PRKG2: variants seen among roughly 807,000 people sequenced by gnomAD.
PRKG2 encodes the protein cGMP-dependent protein kinase 2.
In PRKG2, 33 loss-of-function variants were observed where a neutral mutation model predicts 97.2. The observed-to-expected ratio is 0.34, with a 90% confidence interval of 0.26 to 0.45. The LOEUF (loss-of-function observed/expected upper bound fraction) is 0.45. Among genes scored for constraint, PRKG2 ranks in the 20% least tolerant of loss-of-function variants. PRKG2 has a pLI of 1.00. For synonymous variants in PRKG2, 330 were observed against 321.8 expected (o/e 1.03, Z -0.27); for missense variants, 638 against 900.0 (o/e 0.71, Z 3.73).
intron 14 of PRKG2, among the ~76,000 whole-genome samples, chr4:81,119,888 A>G (rs1156506666): frequency 6.6e-6 from 1 of 152,042 alleles, no homozygotes; most frequent in African/African-American, 2.4e-5. Flanking sequence ...GTTAGCCAGG[A>G]TGGTCTTGAT....
At chr4:81,149,770 T>C (rs1417682629) in intron 8 of PRKG2, among the ~76,000 whole-genome samples, 2 of 152,152 alleles carry the variant, frequency 1.3e-5, no homozygotes, top group Admixed American at 6.6e-5. Context: ...TCATTTAAGA[T>C]GACTTGGGAG....
Position 81,204,756 on chromosome 4 carries a change from G to A in PRKG2, c.292C>T (p.Pro98Ser), listed in dbSNP as rs1434403074. 6.2e-7 allele frequency: 1 copy of A among 1,614,188 alleles called. No individual in the cohort carries two copies. ...TGGACCTCAAGAGGCACTTTATCTG[G>A]AGAGGCCTGAAGCGGGCTTCCTCCC... Reference protein sequence around the residue: ...MQGGSPLQASPDKVPLEVHRK... With the variant: ...MQGGSPLQASSDKVPLEVHRK... Residue 98 changes from proline to serine, a missense_variant, in exon 2 of 19, where the codon CCA becomes TCA. Pro to Ser is a moderately conservative substitution (Grantham distance 74). Coordinates refer to ENST00000264399, the MANE Select transcript of PRKG2 (RefSeq NM_006259.3).
chr4:81,207,489 C>A (rs776028736), intron 1 of PRKG2, among the ~76,000 whole-genome samples: 3 of 152,158 alleles, frequency 2.0e-5, no homozygotes, highest in Non-Finnish European at 4.4e-5. Context: ...CATATCCCAT[C>A]ATGGATTTGC....
At chr4:81,129,927 C>T (rs912875425) in intron 14 of PRKG2, among the ~76,000 whole-genome samples, 2 of 152,060 alleles carry the variant, frequency 1.3e-5, no homozygotes, top group Non-Finnish European at 1.5e-5. Context: ...TTCATAGTGT[C>T]GATGTTCTTT....
intron 12 of PRKG2, among the ~76,000 whole-genome samples, chr4:81,139,493 C>T (rs1378518412): frequency 6.6e-6 from 1 of 151,946 alleles, no homozygotes; most frequent in African/African-American, 2.4e-5. Context: ...ACAGGCTGGG[C>T]GCAGTGGCTC....
chr4:81,119,629 T>C (rs531857804), intron 14 of PRKG2, among the ~76,000 whole-genome samples: 1 of 152,198 alleles, frequency 6.6e-6, no homozygotes, highest in Non-Finnish European at 1.5e-5. Context: ...AATGAGTTTC[T>C]CACTGTACAC....
intron 14 of PRKG2, among the ~76,000 whole-genome samples, chr4:81,118,460 T>C (rs1744766243): frequency 6.6e-6 from 1 of 152,326 alleles, no homozygotes; most frequent in East Asian, 1.9e-4. Flanking sequence ...TATCAGCGTT[T>C]GGTGTTGCCA....
chr4:81,155,909 T>C (rs898866353), intron 6 of PRKG2, among the ~76,000 whole-genome samples: 5 of 151,698 alleles, frequency 3.3e-5, no homozygotes, highest in African/African-American at 1.2e-4. Context: ...AGGCCTGCCC[T>C]AAAAGAGCTC....
At chr4:81,138,812 C>T (rs1746971249) in intron 12 of PRKG2, among the ~76,000 whole-genome samples, 1 of 151,602 alleles carries the variant, frequency 6.6e-6, no homozygotes, top group South Asian at 2.1e-4. Context: ...AGCTTGTTAA[C>T]AAAATATTAA....
intron 3 of PRKG2, among the ~76,000 whole-genome samples, chr4:81,174,592 A>T (rs1194279689): frequency 6.6e-6 from 1 of 152,072 alleles, no homozygotes; most frequent in Admixed American, 6.6e-5. Flanking sequence ...ATATATAGAA[A>T]TTATTCAGCA....
At chr4:81,105,694 T>C in intron 16 of PRKG2, 119 bp downstream of exon 16, 1 of 1,363,934 alleles carries the variant, frequency 7.3e-7, no homozygotes, top group South Asian at 1.5e-5. Context: ...CAAATATAAT[T>C]TGCCTATATA....
chr4:81,144,199 A>G (rs915644277), intron 10 of PRKG2, 33 bp downstream of exon 10: 18 of 1,554,950 alleles, frequency 1.2e-5, no homozygotes, highest in Admixed American at 1.7e-5. Flanking sequence ...GCCAGAAGTC[A>G]GCTCCGGCTC....
chr4:81,143,285 T>C (rs1387859269), intron 10 of PRKG2, among the ~76,000 whole-genome samples: 1 of 152,140 alleles, frequency 6.6e-6, no homozygotes, highest in Admixed American at 6.5e-5. Context: ...TAAAAATATA[T>C]ATACCTCAAA....
chr4:81,103,730 A>T (rs1044717272), intron 17 of PRKG2, among the ~76,000 whole-genome samples: 15 of 152,136 alleles, frequency 9.9e-5, no homozygotes, highest in Non-Finnish European at 1.5e-5. Context: ...GCTAGTATAG[A>T]TCAACAAAAA....
upstream of PRKG2, among the ~76,000 whole-genome samples, chr4:81,215,685 C>T (rs1440667672): frequency 6.6e-6 from 1 of 150,638 alleles, no homozygotes; most frequent in Non-Finnish European, 1.5e-5. Flanking sequence ...CATGTGACCC[C>T]GAAGCAGCTC....
At position 81,102,428 on chromosome 4, in the gene PRKG2, C is replaced by T. The variant is rs1323972954; in HGVS notation, c.2126+1942G>A. On this transcript the variant is annotated intron_variant, in intron 17 of 18. Coordinates refer to ENST00000264399, the MANE Select transcript of PRKG2 (RefSeq NM_006259.3). ...GGAAGAATGGCTTTAATTGACAGAGCACTTGTTTCCTCAATATGAATAGTG... is the reference window on the plus strand; with the variant it reads ...GGAAGAATGGCTTTAATTGACAGAGTACTTGTTTCCTCAATATGAATAGTG... Among the ~76,000 whole-genome samples, 3 of 152,138 alleles carry T rather than the reference C, an allele frequency of 2.0e-5. No homozygotes were observed. In the East Asian group the frequency reaches 5.8e-4, roughly 29 times the overall value.
intron 9 of PRKG2, among the ~76,000 whole-genome samples, chr4:81,145,342 C>T (rs1747751180): frequency 6.6e-6 from 1 of 152,126 alleles, no homozygotes. Flanking sequence ...ACAGGGGTTA[C>T]AGATTCTTTT....
intron 2 of PRKG2, among the ~76,000 whole-genome samples, chr4:81,196,357 CTG>C (rs1296439196): frequency 6.6e-6 from 1 of 152,212 alleles, no homozygotes; most frequent in Non-Finnish European, 1.5e-5. Flanking sequence ...CCACTGCAAA[CTG>C]AGATAGCAAA....
chr4:81,113,598 TGCTGGA>T (rs1262531566), intron 14 of PRKG2, among the ~76,000 whole-genome samples: 2 of 152,202 alleles, frequency 1.3e-5, no homozygotes, highest in Non-Finnish European at 2.9e-5. Context: ...CATTGTGGCT[TGCTGGA>T]GCTGGTATCC....
Sources: allele counts gnomAD v4.1 joint callset (sites outside exome capture counted in the v4.1 genomes callset), GRCh38; gene constraint gnomAD v4.1.1; transcripts MANE v1.5; gene names NCBI Gene and HGNC (gene_info 2026-07-23, HGNC 2026-07-21).